ABLIM2: variants seen among roughly 807,000 people sequenced by gnomAD.
ABLIM2 encodes actin binding LIM protein family member 2, also known as actin-binding LIM protein 2.
ABLIM2 carries 53 observed loss-of-function variants against 97.7 expected under a neutral mutation model. That is an observed-to-expected ratio of 0.54 (90% confidence interval 0.44 to 0.68). The LOEUF (loss-of-function observed/expected upper bound fraction) is 0.68. Among genes scored for constraint, ABLIM2 ranks in the 30% least tolerant of loss-of-function variants. The pLI is 0.00. For missense variants in ABLIM2, 835 were observed against 867.2 expected, an observed-to-expected ratio of 0.96 and a Z score of 0.47; for synonymous variants, 361 against 345.8, an observed-to-expected ratio of 1.04 and a Z score of -0.49.
intron 1 of ABLIM2, among the ~76,000 whole-genome samples, chr4:8,138,139 G>T (rs1378196586): frequency 6.6e-6 from 1 of 152,106 alleles, no homozygotes; most frequent in African/African-American, 2.4e-5. Flanking sequence ...AGAAGGAATG[G>T]GAGTGACAGG....
chr4:8,126,323 G>A (rs1040964464), intron 1 of ABLIM2, among the ~76,000 whole-genome samples: 5 of 152,116 alleles, frequency 3.3e-5, no homozygotes, highest in Non-Finnish European at 7.4e-5. Context: ...CATTTCAGGG[G>A]GAGGAGGGAG....
In ABLIM2 at chr4:8,044,740, T is replaced by A. The variant is rs1791152712; in HGVS notation, c.900+424A>T. On this transcript the variant is annotated intron_variant, in intron 9 of 20. Transcript: ENST00000447017. The surrounding 1 kb of genome is among the most constrained non-coding windows in gnomAD (Gnocchi z 4.4). ...TAATTTACATCACCCTTAACTTGCT[T>A]CTTTTAGGGAACACGCTGGGAGAGC... Among the ~76,000 whole-genome samples the A allele has an allele frequency of 6.6e-6, 1 of 151,950 alleles. No homozygotes were observed. The highest frequency in any genetic ancestry group is 1.5e-5 in the Non-Finnish European group (1 of 68,008).
chr4:8,072,326 G>A lies in ABLIM2; in HGVS notation c.675+5302C>T, dbSNP rs552350030. 1.3e-5 allele frequency among the ~76,000 whole-genome samples: 2 copies of A among 151,802 alleles called. No homozygotes were observed. The highest frequency in any genetic ancestry group is 1.3e-4 in the Admixed American group (2 of 15,236). On this transcript the variant is annotated intron_variant, in intron 6 of 20. Transcript: ENST00000447017. The surrounding 1 kb of genome is among the most constrained non-coding windows in gnomAD (Gnocchi z 5.8). ...TCCCAATCCATCAAGGGGAGGGGGG[G>A]CTGCCTGATGAAACCCACTTTGCTC...
chr4:8,135,910 T>C (rs1212829842), intron 1 of ABLIM2, among the ~76,000 whole-genome samples: 1 of 152,206 alleles, frequency 6.6e-6, no homozygotes, highest in Non-Finnish European at 1.5e-5. Context: ...TGGAAAGTGC[T>C]GTGCATGAGG....
chr4:8,070,111 T>G (rs1263505738), intron 6 of ABLIM2, among the ~76,000 whole-genome samples: 1 of 152,012 alleles, frequency 6.6e-6, no homozygotes. Flanking sequence ...TGTGTCTGCA[T>G]GTGTCTATGT....
In ABLIM2 at chr4:8,054,062, C is replaced by T. The variant is rs1439083048; in HGVS notation, c.822+126G>A. ...CTCCCCACCTCCTAAGCCTGGCTGC[C>T]CCCATCCTGCAGCCCGTGGGACTGG... is the stretch of plus-strand genomic sequence containing the variant. On this transcript the variant is annotated intron_variant, in intron 8 of 20. Coordinates refer to ENST00000447017, the MANE Select transcript of ABLIM2 (RefSeq NM_001130083.2). This position sits in a 1 kb window ranked among gnomAD's most constrained non-coding sequence, Gnocchi z 4.9. 10 of 1,065,514 alleles carry T rather than the reference C, an allele frequency of 9.4e-6. No homozygotes were observed. Among genetic ancestry groups the T allele is most frequent in the African/African-American group, 1.6e-5 (1 of 64,446 alleles). 66.0% of individuals were successfully genotyped at this position (1,065,514 alleles called of 1,614,324 possible).
chr4:8,074,273 G>A (rs1056735623), intron 6 of ABLIM2, among the ~76,000 whole-genome samples: 5 of 151,992 alleles, frequency 3.3e-5, no homozygotes, highest in African/African-American at 1.2e-4. Flanking sequence ...GGGCAATACA[G>A]CAAGATCCCT....
At chr4:7,978,724 A>AC (rs34457410) in intron 20 of ABLIM2, among the ~76,000 whole-genome samples, 30,519 of 152,154 alleles carry the variant, frequency 0.2, 3,706 homozygotes, top group Middle Eastern at 0.3. Context: ...TAACCATTTT[A>AC]CAAAGGTCAG....
chr4:8,136,423 CT>C (rs1484473526), intron 1 of ABLIM2, among the ~76,000 whole-genome samples: 1 of 152,164 alleles, frequency 6.6e-6, no homozygotes, highest in Non-Finnish European at 1.5e-5. Flanking sequence ...TAAGAATGGT[CT>C]AGATGGAAAT....
rs750907305 is a variant in ABLIM2, at chr4:7,967,023, C to T, written c.1905G>A (p.Arg635=). The T allele has an allele frequency of 1.2e-6, 2 of 1,613,820 alleles. No homozygotes were observed. Among genetic ancestry groups the T allele is most frequent in the Non-Finnish European group, 1.7e-6 (2 of 1,179,958 alleles). Residue 635 remains arginine (R), a synonymous_variant, in exon 21 of 21, where the codon AGG becomes AGA. Transcript: ENST00000447017. ...AAAGGGCTTTCTTCTTAAGGTCATTCCTCTTCCAGAGGGCCAGGCGGTCAA... is the reference window on the plus strand; with the variant it reads ...AAAGGGCTTTCTTCTTAAGGTCATTTCTCTTCCAGAGGGCCAGGCGGTCAA... ...EEFDRLALWK[R]NDLKKKALLF
chr4:8,094,476 T>C (rs10018718), intron 3 of ABLIM2, among the ~76,000 whole-genome samples: 60,743 of 152,030 alleles, frequency 0.4, 13,097 homozygotes, highest in African/African-American at 0.57. Context: ...CATGAGAAGG[T>C]CGTGATCGAT....
intron 1 of ABLIM2, among the ~76,000 whole-genome samples, chr4:8,154,177 T>A (rs982759999): frequency 6.6e-6 from 1 of 151,638 alleles, no homozygotes; most frequent in Non-Finnish European, 1.5e-5. Flanking sequence ...TTAGCCAGGA[T>A]GGTCTCCATC....
At chr4:8,137,580 G>A (rs1321067601) in intron 1 of ABLIM2, among the ~76,000 whole-genome samples, 6 of 152,332 alleles carry the variant, frequency 3.9e-5, no homozygotes, top group East Asian at 1.9e-4. Context: ...GGGCACAGGC[G>A]GTGGTGAAGA....
At chr4:8,144,916 T>C (rs1220793680) in intron 1 of ABLIM2, among the ~76,000 whole-genome samples, 1 of 152,222 alleles carries the variant, frequency 6.6e-6, no homozygotes, top group Non-Finnish European at 1.5e-5. Context: ...GCCTGAGAAT[T>C]TGAAAGAACC....
chr4:8,073,051 C>T (rs1813388015), intron 6 of ABLIM2, among the ~76,000 whole-genome samples: 1 of 151,870 alleles, frequency 6.6e-6, no homozygotes, highest in South Asian at 2.1e-4. Flanking sequence ...GTGGGGACTT[C>T]CATACCAGGC....
At chr4:8,077,030 A>G (rs1280941898) in intron 6 of ABLIM2, among the ~76,000 whole-genome samples, 6 of 102,978 alleles carry the variant, frequency 5.8e-5, no homozygotes, top group African/African-American at 1.2e-4. Context: ...TGTGAATCCG[A>G]AGGGTGGGCT....
In ABLIM2 at chr4:8,044,692, G is replaced by T. The variant is rs143957350; in HGVS notation, c.900+472C>A. ...GAGTCTCTCTCTCTCTCTCTCTCTC[G>T]AACGAACGAAAACGGGATCACATAA... is the stretch of plus-strand genomic sequence containing the variant. On this transcript the variant is annotated intron_variant, in intron 9 of 20. Transcript: ENST00000447017. This position sits in a 1 kb window ranked among gnomAD's most constrained non-coding sequence, Gnocchi z 4.4. Among the ~76,000 whole-genome samples, 108,580 of 147,346 alleles carry T rather than the reference G, an allele frequency of 0.74. 39,522 individuals are homozygous for T. Among genetic ancestry groups the T allele is most frequent in the African/African-American group, 0.84 (32,783 of 39,190 alleles).
At chr4:8,145,486 G>T (rs73218492) in intron 1 of ABLIM2, among the ~76,000 whole-genome samples, 2 of 151,938 alleles carry the variant, frequency 1.3e-5, no homozygotes, top group African/African-American at 4.8e-5. Flanking sequence ...GCCCGGCCAG[G>T]TATTGATTTT....
rs192137378 is a variant in ABLIM2 at position 8,030,824 on chromosome 4, C to A, written c.1048-1048G>T. On this transcript the variant is annotated intron_variant, in intron 10 of 20. Coordinates refer to ENST00000447017, the MANE Select transcript of ABLIM2 (RefSeq NM_001130083.2). ...TACATGTGGGTTTGGCAGCTCGGTG[C>A]AAGTGGCCCCTTGTGTGTTTGGCCG... 2.0e-4 allele frequency among the ~76,000 whole-genome samples: 31 copies of A among 152,310 alleles called. No homozygotes were observed. In the East Asian group the frequency reaches 5.8e-3, roughly 28 times the overall value.
Sources: allele counts gnomAD v4.1 joint callset (sites outside exome capture counted in the v4.1 genomes callset), GRCh38; gene constraint gnomAD v4.1.1; non-coding constraint Gnocchi (gnomAD v3.1); transcripts MANE v1.5; gene names NCBI Gene and HGNC (gene_info 2026-07-23, HGNC 2026-07-21).